The following SEC23B variants were observed in gnomAD, a reference collection of about 807,000 sequenced individuals.
SEC23B encodes protein transport protein Sec23B.
SEC23B carries 77 observed loss-of-function variants against 104.3 expected under a neutral mutation model. The ratio of observed to expected loss-of-function variants is 0.74; its 90% confidence interval spans 0.61 to 0.89. SEC23B has a LOEUF of 0.89. Among genes scored for constraint, SEC23B ranks in the 40% least tolerant of loss-of-function variants. The pLI, the probability that SEC23B is intolerant of heterozygous loss-of-function variation, is 0.00. For missense variants in SEC23B, 885 were observed against 949.4 expected, an observed-to-expected ratio of 0.93 and a Z score of 0.89; for synonymous variants, 338 against 332.5, an observed-to-expected ratio of 1.02 and a Z score of -0.18.
At chr20:18,557,913 G>C (rs1301745786) in intron 19 of SEC23B, among the ~76,000 whole-genome samples, 3 of 151,832 alleles carry the variant, frequency 2.0e-5, no homozygotes, top group Middle Eastern at 3.4e-3. Flanking sequence ...CACCACGCCT[G>C]ACTAATTTTG....
chr20:18,511,412 G>T (rs367585537), intron 2 of SEC23B, among the ~76,000 whole-genome samples: 1 of 151,958 alleles, frequency 6.6e-6, no homozygotes, highest in Non-Finnish European at 1.5e-5. Flanking sequence ...AGCTTAGACC[G>T]TCTTCTCATG....
intron 19 of SEC23B, 128 bp from the exon 20 acceptor site, chr20:18,560,523 G>C: frequency 4.0e-6 from 3 of 746,590 alleles, no homozygotes; most frequent in Non-Finnish European, 7.2e-6. Context: ...CAGAGGATGG[G>C]GTGATGGGAG....
chr20:18,523,432 T>G (rs1224181187), intron 4 of SEC23B, among the ~76,000 whole-genome samples: 2 of 138,728 alleles, frequency 1.4e-5, no homozygotes, highest in East Asian at 4.4e-4. Flanking sequence ...AGACAGAGCC[T>G]TGCTCTGTCA....
At chr20:18,528,577 G>T (rs997429593) in intron 9 of SEC23B, among the ~76,000 whole-genome samples, 1 of 152,202 alleles carries the variant, frequency 6.6e-6, no homozygotes, top group Non-Finnish European at 1.5e-5. Context: ...AACCCCACAG[G>T]TGATGCTGCT....
Position 18,518,598 on chromosome 20 carries a change from T to C in SEC23B, c.366+2862T>C, listed in dbSNP as rs566186442. 6.9e-5 allele frequency among the ~76,000 whole-genome samples: 10 copies of C among 144,128 alleles called. No individual in the cohort carries two copies. In the East Asian group the frequency reaches 2.0e-3, roughly 29 times the overall value. 94.6% of individuals were successfully genotyped at this position (144,128 alleles called of 152,430 possible). On this transcript the variant is annotated intron_variant, in intron 4 of 19. Transcript: ENST00000650089. ...TGGAAGGAGGTTTTTTTTTTTTTTT[T>C]TTTTTTTGTCTAAGAACCATCTGCC... is the stretch of plus-strand genomic sequence containing the variant.
At chr20:18,524,889 T>G (rs2148898389) in intron 5 of SEC23B, 46 bp from the exon 6 acceptor site, 1 of 1,595,728 alleles carries the variant, frequency 6.3e-7, no homozygotes, top group Non-Finnish European at 8.6e-7. Flanking sequence ...GTCATTCACT[T>G]TTAGTGTCAT....
chr20:18,560,336 G>A (rs192628754), intron 19 of SEC23B, among the ~76,000 whole-genome samples: 10 of 152,274 alleles, frequency 6.6e-5, no homozygotes, highest in Admixed American at 2.0e-4. Flanking sequence ...ATGGGCCTCC[G>A]TGAGCTCACA....
rs112164951 is a variant in SEC23B at position 18,551,508 on chromosome 20, GT to G, written c.1992+335del. 8.0e-3 allele frequency among the ~76,000 whole-genome samples: 1,215 copies of G among 152,224 alleles called. 8 individuals carry two copies. Among genetic ancestry groups the G allele is most frequent in the Middle Eastern group, 0.014 (4 of 294 alleles). On this transcript the variant is annotated intron_variant, in intron 17 of 19. Transcript: ENST00000650089. ...GTGGGCAGATCACCTGAGGTCAGGA[GT>G]TCAAAACCAGCCTGACCAACATGGC...
intron 3 of SEC23B, among the ~76,000 whole-genome samples, chr20:18,514,675 A>G (rs915793258): frequency 6.6e-6 from 1 of 152,266 alleles, no homozygotes; most frequent in Admixed American, 6.5e-5. Flanking sequence ...TTTTAAAAAC[A>G]AAAGAAAATG....
intron 3 of SEC23B, among the ~76,000 whole-genome samples, chr20:18,513,833 G>C (rs2060002048): frequency 6.6e-6 from 1 of 152,176 alleles, no homozygotes; most frequent in African/African-American, 2.4e-5. Flanking sequence ...TGGCTAAAGA[G>C]CCAGAGATCT....
intron 14 of SEC23B, among the ~76,000 whole-genome samples, chr20:18,543,482 G>GTCTAAATCTTCT (rs2060307539): frequency 6.6e-6 from 1 of 152,180 alleles, no homozygotes; most frequent in African/African-American, 2.4e-5. Flanking sequence ...TCTAAATCTG[G>GTCTAAATCTTCT]AAAGTGGTTT....
At chr20:18,514,327 TGTCTGTA>T (rs1250795064) in intron 3 of SEC23B, among the ~76,000 whole-genome samples, 1 of 152,128 alleles carries the variant, frequency 6.6e-6, no homozygotes, top group Non-Finnish European at 1.5e-5. Context: ...GTGGCTGGTG[TGTCTGTA>T]GTCATAGATC....
At chr20:18,517,950 G>A (rs933437482) in intron 4 of SEC23B, among the ~76,000 whole-genome samples, 10 of 152,332 alleles carry the variant, frequency 6.6e-5, no homozygotes, top group African/African-American at 2.4e-4. Flanking sequence ...GTAATTACTT[G>A]TTTGGTTGGT....
chr20:18,558,948 A>G (rs1443553753), intron 19 of SEC23B, among the ~76,000 whole-genome samples: 4 of 152,032 alleles, frequency 2.6e-5, no homozygotes, highest in African/African-American at 4.8e-5. Context: ...GGTCTTGGTA[A>G]TCACTTTGTG....
chr20:18,538,489 G>A (rs1044973907), intron 12 of SEC23B, among the ~76,000 whole-genome samples: 2 of 151,884 alleles, frequency 1.3e-5, no homozygotes, highest in African/African-American at 2.4e-5. Context: ...TCCTGACCTC[G>A]TGATCCGCAC....
chr20:18,518,599 T>TG (rs1197177756), intron 4 of SEC23B, among the ~76,000 whole-genome samples: 1 of 146,680 alleles, frequency 6.8e-6, no homozygotes, highest in East Asian at 2.0e-4. Context: ...TTTTTTTTTT[T>TG]TTTTTTGTCT....
At chr20:18,511,795 G>T (rs17734471) in intron 2 of SEC23B, among the ~76,000 whole-genome samples, 1,986 of 152,250 alleles carry the variant, frequency 0.013, 24 homozygotes, top group Non-Finnish European at 0.022. Flanking sequence ...GCTAAGTCAG[G>T]TTAAAAATCT....
chr20:18,549,369 T>G (rs61607622), intron 16 of SEC23B, among the ~76,000 whole-genome samples: 29 of 152,284 alleles, frequency 1.9e-4, no homozygotes, highest in African/African-American at 6.3e-4. Context: ...ATAATGTAAG[T>G]ACCATGTAAA....
Position 18,526,509 on chromosome 20 carries a change from G to T in SEC23B, c.971G>T (p.Arg324Leu), listed in dbSNP as rs747541378. 2 of 1,614,160 alleles carry T rather than the reference G, an allele frequency of 1.2e-6. No homozygotes were observed. Among genetic ancestry groups the T allele is most frequent in the Admixed American group, 3.3e-5 (2 of 60,020 alleles). Residue 324 changes from arginine (R) to leucine (L), a missense_variant, in exon 8 of 20, where the codon CGA becomes CTA. Arg to Leu is a moderately radical substitution (Grantham distance 102). Transcript: ENST00000650089. ...SWHDIEKDNA[R>L]FMKKATKHYE... is the part of the protein sequence containing the mutation. ...CATGATATTGAGAAAGATAATGCAC[G>T]ATTCATGAAAAAGGCAACCAAGGTA...
Sources: allele counts gnomAD v4.1 joint callset (sites outside exome capture counted in the v4.1 genomes callset), GRCh38; gene constraint gnomAD v4.1.1; transcripts MANE v1.5; gene names NCBI Gene and HGNC (gene_info 2026-07-23, HGNC 2026-07-21).